PFKP: variants seen among roughly 807,000 people sequenced by gnomAD.
PFKP encodes the protein phosphofructokinase, platelet, also known as ATP-dependent 6-phosphofructokinase, platelet type.
In PFKP, 101 loss-of-function variants were observed where a neutral mutation model predicts 94.3. That is an observed-to-expected ratio of 1.07 (90% CI 0.91 to 1.26). The LOEUF (loss-of-function observed/expected upper bound fraction) is 1.26. Ranked by LOEUF, PFKP falls within the 50% of genes most tolerant of loss-of-function variation. PFKP has a pLI of 0.00. For synonymous variants in PFKP, 573 were observed against 432.6 expected, an observed-to-expected ratio of 1.32 and a Z score of -4.03; for missense variants, 1,145 against 1,103.3, an observed-to-expected ratio of 1.04 and a Z score of -0.53.
Position 3,121,803 on chromosome 10 carries a change from C to CTTTTTTTTTTTTTTTTTT in PFKP, c.1683+1769_1683+1786dup, listed in dbSNP as rs759926178. Among the ~76,000 whole-genome samples, 19 of 32,622 alleles carry CTTTTTTTTTTTTTTTTTT rather than the reference C, an allele frequency of 5.8e-4. 1 individual carries two copies. The highest frequency in any genetic ancestry group is 2.8e-3 in the South Asian group (2 of 722). The allele number at this position is 32,622 out of a possible 152,430, so 21.4% of individuals were successfully genotyped here. A position where few individuals can be genotyped will look rare whatever the true frequency, so the allele number is the denominator to read the frequency against. On this transcript the variant is annotated intron_variant, in intron 16 of 21. Transcript: ENST00000381125. The stretch of plus-strand genomic sequence containing the variant: ...TAGGTTAAACAATTTCTTTTTTTTT[C>CTTTTTTTTTTTTTTTTTT]TTTTTTTTTTTTTTTTTTTTTTTTT...
chr10:3,077,580 T>TTA (rs539554171), intron 1 of PFKP, among the ~76,000 whole-genome samples: 183 of 150,448 alleles, frequency 1.2e-3, no homozygotes, highest in African/African-American at 4.1e-3. Flanking sequence ...CCTTACTTTT[T>TTA]AAAAAAAAAA....
At chr10:3,113,616 T>A in intron 13 of PFKP, 98 bp downstream of exon 13, 1 of 1,017,508 alleles carries the variant, frequency 9.8e-7, no homozygotes, top group Non-Finnish European at 1.4e-6. Flanking sequence ...TCATACCTTT[T>A]CATGCCTCAG....
chr10:3,132,623 CAACT>C (rs138997477), intron 18 of PFKP, among the ~76,000 whole-genome samples, 182 bp downstream of exon 18: 38,100 of 152,024 alleles, frequency 0.25, 5,477 homozygotes, highest in East Asian at 0.38. Context: ...TGCATTTAGA[CAACT>C]AATATTTTTG....
chr10:3,073,172 T>G (rs1832328529), intron 1 of PFKP, among the ~76,000 whole-genome samples: 2 of 151,864 alleles, frequency 1.3e-5, no homozygotes, highest in Admixed American at 6.6e-5. Context: ...GTCCTAGCCC[T>G]GGTCCTGCTG....
chr10:3,128,410 G>A (rs747646834), intron 16 of PFKP, among the ~76,000 whole-genome samples: 2 of 152,238 alleles, frequency 1.3e-5, no homozygotes, highest in Non-Finnish European at 2.9e-5. Context: ...CTGAGGAAAT[G>A]ACATTTTCCT....
At chr10:3,122,070 G>T (rs576262409) in intron 16 of PFKP, among the ~76,000 whole-genome samples, 1 of 83,212 alleles carries the variant, frequency 1.2e-5, no homozygotes, top group East Asian at 3.3e-4. Context: ...CAATCCCCCT[G>T]TCTTGGGCTC....
At chr10:3,074,866 G>A (rs1455061544) in intron 1 of PFKP, among the ~76,000 whole-genome samples, 1 of 152,046 alleles carries the variant, frequency 6.6e-6, no homozygotes. Context: ...GGCGCTAGAG[G>A]AATTAAAGAC....
intron 2 of PFKP, among the ~76,000 whole-genome samples, chr10:3,093,191 ATT>A (rs35072017): frequency 1.4e-5 from 2 of 147,214 alleles, no homozygotes; most frequent in Non-Finnish European, 3.0e-5. Flanking sequence ...ACTGTGTCTG[ATT>A]TTTTTTTTTT....
intron 16 of PFKP, 22 bp from the exon 17 acceptor site, chr10:3,129,797 C>T (rs1838357665): frequency 9.3e-6 from 15 of 1,612,306 alleles, no homozygotes; most frequent in South Asian, 2.2e-5. Flanking sequence ...GCTGGAGTGA[C>T]TGATCGCTTC....
chr10:3,129,899 C>T lies in PFKP; in HGVS notation c.1764C>T (p.Gly588=), dbSNP rs150247960. 120 of 1,613,158 alleles carry T rather than the reference C, an allele frequency of 7.4e-5. No homozygotes were observed. Among genetic ancestry groups the T allele is most frequent in the Middle Eastern group, 1.6e-4 (1 of 6,080 alleles). The change falls in exon 17 of 22, where the codon GGC becomes GGT. Residue 588 remains glycine, a synonymous_variant. Coordinates refer to ENST00000381125, the MANE Select transcript of PFKP (RefSeq NM_002627.5). ...TCGAGACCATGGGCGGCTACTGTGGCTACCTGGCCAACATGGGGGGGCTCG... is the reference window on the plus strand; with the variant it reads ...TCGAGACCATGGGCGGCTACTGTGGTTACCTGGCCAACATGGGGGGGCTCG... The part of the protein sequence containing the change: ...FIIETMGGYC[G]YLANMGGLAA...
intron 3 of PFKP, 57 bp downstream of exon 3, chr10:3,099,409 G>A: frequency 7.4e-7 from 1 of 1,351,444 alleles, no homozygotes; most frequent in Non-Finnish European, 1.1e-6. Context: ...TTTATGTCTA[G>A]TAAATTCCCA....
chr10:3,087,646 A>G (rs1337499776), intron 2 of PFKP, among the ~76,000 whole-genome samples: 1 of 152,196 alleles, frequency 6.6e-6, no homozygotes, highest in Non-Finnish European at 1.5e-5. Context: ...GAATTTTGGC[A>G]CAAAGAATGA....
chr10:3,120,474 G>A (rs1837298995), intron 16 of PFKP, among the ~76,000 whole-genome samples: 1 of 151,908 alleles, frequency 6.6e-6, no homozygotes, highest in African/African-American at 2.4e-5. Context: ...GGTAGAAATT[G>A]AACTGAATAT....
At chr10:3,125,189 C>A (rs1438034712) in intron 16 of PFKP, 56 of 1,349,524 alleles carry the variant, frequency 4.1e-5, no homozygotes, top group Non-Finnish European at 5.5e-5. Context: ...CGATTAGCAA[C>A]AATGTCCCAG....
chr10:3,105,302 G>A, intron 6 of PFKP, 91 bp from the exon 7 acceptor site: 1 of 1,303,376 alleles, frequency 7.7e-7, no homozygotes, highest in South Asian at 1.2e-5. Flanking sequence ...CTGGCGTTAG[G>A]TCTGCACGTC....
At chr10:3,135,690 C>T (rs763932818) in intron 20 of PFKP, 46 bp from the exon 21 acceptor site, 4 of 1,164,380 alleles carry the variant, frequency 3.4e-6, no homozygotes, top group Non-Finnish European at 5.1e-6. Context: ...CCCCCACCTG[C>T]CCATGTTGAC....
chr10:3,096,601 A>G (rs1051030198), intron 2 of PFKP, among the ~76,000 whole-genome samples: 6 of 151,298 alleles, frequency 4.0e-5, no homozygotes, highest in Non-Finnish European at 8.8e-5. Flanking sequence ...TGCCTCTAAG[A>G]AGGGTCCGTT....
intron 2 of PFKP, among the ~76,000 whole-genome samples, chr10:3,087,239 G>T (rs1157699352): frequency 6.6e-6 from 1 of 151,026 alleles, no homozygotes; most frequent in African/African-American, 2.4e-5. Context: ...GATTACAGGT[G>T]TGAGGCACCT....
intron 2 of PFKP, among the ~76,000 whole-genome samples, chr10:3,094,039 T>C: frequency 6.6e-6 from 1 of 152,238 alleles, no homozygotes; most frequent in East Asian, 1.9e-4. Context: ...TTTACACCAT[T>C]GCCTGTGGCT....
Sources: allele counts gnomAD v4.1 joint callset (sites outside exome capture counted in the v4.1 genomes callset), GRCh38; gene constraint gnomAD v4.1.1; transcripts MANE v1.5; gene names NCBI Gene and HGNC (gene_info 2026-07-23, HGNC 2026-07-21).